Variants in FGGY observed in about 807,000 individuals in gnomAD.
The protein encoded by FGGY is FGGY carbohydrate kinase domain containing.
A neutral mutation model predicts 71.3 loss-of-function variants in FGGY; 72 were observed. The ratio of observed to expected loss-of-function variants is 1.01; its 90% CI spans 0.84 to 1.23. The LOEUF (loss-of-function observed/expected upper bound fraction) is 1.23. FGGY is among the 50% of genes most tolerant of loss of function. The pLI, the probability that FGGY is intolerant of heterozygous loss-of-function variation, is 0.00. For synonymous variants in FGGY, 251 were observed against 250.3 expected (o/e 1.00, Z -0.02); for missense variants, 668 against 682.3 (o/e 0.98, Z 0.23).
At chr1:59,544,739 T>G (rs2095496284) in intron 7 of FGGY, among the ~76,000 whole-genome samples, 1 of 152,212 alleles carries the variant, frequency 6.6e-6, no homozygotes, top group African/African-American at 2.4e-5. Context: ...TACAGAAGTT[T>G]GCACAGGAAA....
In FGGY at chr1:59,634,674, ATCT is replaced by A. The variant is rs554842814; in HGVS notation, c.1074-3549_1074-3547del. Among the ~76,000 whole-genome samples, 20 of 152,286 alleles carry A rather than the reference ATCT, an allele frequency of 1.3e-4. 1 individual carries two copies. The South Asian group carries it at 3.1e-3, about 24-fold the overall frequency. On this transcript the variant is annotated intron_variant, in intron 10 of 15. Transcript: ENST00000303721. Reference sequence around the variant, plus strand: ...ACAAGCAATAGGTCCGAAAAAAAAAATCTTCTTTGATTCTTGGATTTTTAAAAA... The same window carrying A: ...ACAAGCAATAGGTCCGAAAAAAAAAATCTTTGATTCTTGGATTTTTAAAAA...
At chr1:59,418,480 A>C (rs2064851774) in intron 5 of FGGY, among the ~76,000 whole-genome samples, 1 of 151,500 alleles carries the variant, frequency 6.6e-6, no homozygotes, top group Non-Finnish European at 1.5e-5. Context: ...AGTGAGCAGG[A>C]AGGGAAGGAG....
chr1:59,660,160 C>G, intron 11 of FGGY, 59 bp from the exon 12 acceptor site: 1 of 1,461,250 alleles, frequency 6.8e-7, no homozygotes, highest in Non-Finnish European at 9.6e-7. Flanking sequence ...TGGGAACTAT[C>G]TTTATCCACG....
At chr1:59,297,546 G>A (rs1156246728) in intron 1 of FGGY, among the ~76,000 whole-genome samples, 1 of 152,204 alleles carries the variant, frequency 6.6e-6, no homozygotes, top group Non-Finnish European at 1.5e-5. Flanking sequence ...CAAGGGGCCG[G>A]GCGCGGTGGC....
chr1:59,337,658 T>C (rs2049868152), intron 2 of FGGY, among the ~76,000 whole-genome samples: 1 of 152,202 alleles, frequency 6.6e-6, no homozygotes, highest in African/African-American at 2.4e-5. Flanking sequence ...TTTTTTATCT[T>C]TTAGTTGCTA....
At position 59,328,597 on chromosome 1, in the gene FGGY, T is replaced by G. The variant is rs563699465; in HGVS notation, c.201+6847T>G. Among the ~76,000 whole-genome samples the G allele has an allele frequency of 2.6e-5, 4 of 152,334 alleles. No individual in the cohort carries two copies. In the South Asian group the frequency reaches 8.3e-4, roughly 32 times the overall value. On this transcript the variant is annotated intron_variant, in intron 2 of 15. Coordinates refer to ENST00000303721, the MANE Select transcript of FGGY (RefSeq NM_018291.5). ...GCGCTTTTAGTTTTCCTTACGAACT[T>G]TCTTTTGCATTCACAGCTTGACTAT... is the stretch of plus-strand genomic sequence containing the variant.
At chr1:59,698,984 C>T (rs920301332) in intron 14 of FGGY, 4 of 985,024 alleles carry the variant, frequency 4.1e-6, no homozygotes, top group Non-Finnish European at 4.8e-6. Flanking sequence ...TAAATGAAAA[C>T]CATGTTTAAA....
chr1:59,318,317 G>C (rs115875590), intron 1 of FGGY, among the ~76,000 whole-genome samples: 2,802 of 152,284 alleles, frequency 0.018, 93 homozygotes, highest in African/African-American at 0.065. Context: ...GAATTTTAAA[G>C]ACATCCATTC....
intron 6 of FGGY, among the ~76,000 whole-genome samples, chr1:59,482,632 G>GTATA (rs1480251515): frequency 9.8e-6 from 1 of 102,180 alleles, no homozygotes; most frequent in Non-Finnish European, 2.1e-5. Flanking sequence ...GTGTGTCTGT[G>GTATA]TGTATATATA....
rs79066054 is a variant in FGGY, at chr1:59,459,786, G to A, written c.670+2710G>A. On this transcript the variant is annotated intron_variant, in intron 6 of 15. Coordinates refer to ENST00000303721, the MANE Select transcript of FGGY (RefSeq NM_018291.5). ...TCCAGGTGCCATTTCAGCATGCCGC[G>A]GTTGCCTTTTTAATTCCTGGGAAAA... Among the ~76,000 whole-genome samples the A allele has an allele frequency of 3.9e-3, 592 of 152,258 alleles. 7 individuals are homozygous for A. Among genetic ancestry groups the A allele is most frequent in the African/African-American group, 0.013 (560 of 41,550 alleles).
At chr1:59,720,714 G>A (rs1000627232) in intron 14 of FGGY, among the ~76,000 whole-genome samples, 15 of 152,274 alleles carry the variant, frequency 9.9e-5, no homozygotes, top group South Asian at 4.1e-4. Context: ...GAATACTTGT[G>A]CCTGCCTGGG....
At chr1:59,503,482 G>T (rs1190562811) in intron 6 of FGGY, among the ~76,000 whole-genome samples, 2 of 151,320 alleles carry the variant, frequency 1.3e-5, no homozygotes, top group African/African-American at 2.4e-5. Context: ...CACTAAAAAG[G>T]TGGTATCTAC....
chr1:59,500,656 T>G (rs2094194563), intron 6 of FGGY, among the ~76,000 whole-genome samples: 1 of 132,144 alleles, frequency 7.6e-6, no homozygotes, highest in Non-Finnish European at 1.6e-5. Flanking sequence ...GCACACTGCC[T>G]TCTTGCCAAA....
At chr1:59,307,508 ACT>A (rs1482812802) in intron 1 of FGGY, among the ~76,000 whole-genome samples, 1 of 152,008 alleles carries the variant, frequency 6.6e-6, no homozygotes, top group African/African-American at 2.4e-5. Context: ...TTATTCACTG[ACT>A]CTATGACCCT....
intron 6 of FGGY, among the ~76,000 whole-genome samples, chr1:59,488,919 A>C (rs1198151394): frequency 6.6e-6 from 1 of 152,108 alleles, no homozygotes; most frequent in African/African-American, 2.4e-5. Context: ...CCAACAGTCC[A>C]TAAGATTATA....
chr1:59,395,580 T>A (rs2061230031), intron 5 of FGGY, among the ~76,000 whole-genome samples: 10 of 152,202 alleles, frequency 6.6e-5, no homozygotes, highest in Admixed American at 6.5e-4. Flanking sequence ...GGTTGGCAGT[T>A]CTAGAGGTAG....
chr1:59,582,213 G>A (rs1263094020), intron 8 of FGGY, among the ~76,000 whole-genome samples: 1 of 149,760 alleles, frequency 6.7e-6, no homozygotes. Flanking sequence ...CATGCCCACT[G>A]CATTCCAGCC....
At chr1:59,725,421 G>C (rs1379791289) in intron 14 of FGGY, among the ~76,000 whole-genome samples, 1 of 152,042 alleles carries the variant, frequency 6.6e-6, no homozygotes, top group Non-Finnish European at 1.5e-5. Flanking sequence ...CACTGACTTT[G>C]TTCTTTTTCT....
rs116501309 is a variant in FGGY at position 59,356,662 on chromosome 1, A to C, written c.465+10264A>C. On this transcript the variant is annotated intron_variant, in intron 4 of 15. Transcript: ENST00000303721. ...ATTAAATCATCTCATGCCATTTTTGATGGCTAGGTGCATTTGTCCAATCAT... is the reference window on the plus strand; with the variant it reads ...ATTAAATCATCTCATGCCATTTTTGCTGGCTAGGTGCATTTGTCCAATCAT... Among the ~76,000 whole-genome samples, 592 of 152,270 alleles carry C rather than the reference A, an allele frequency of 3.9e-3. 3 individuals are homozygous for C. Among genetic ancestry groups the C allele is most frequent in the African/African-American group, 0.014 (574 of 41,548 alleles).
Sources: allele counts gnomAD v4.1 joint callset (sites outside exome capture counted in the v4.1 genomes callset), GRCh38; gene constraint gnomAD v4.1.1; transcripts MANE v1.5; gene names NCBI Gene and HGNC (gene_info 2026-07-23, HGNC 2026-07-21).